Variants in NDUFA10 observed in about 807,000 individuals in gnomAD.
The protein encoded by NDUFA10 is NADH dehydrogenase [ubiquinone] 1 alpha subcomplex subunit 10, mitochondrial.
In NDUFA10, 40 loss-of-function variants were observed where a neutral mutation model predicts 47.8. The ratio of observed to expected loss-of-function variants is 0.84; its 90% CI spans 0.65 to 1.09. The LOEUF is 1.09. Ranked by LOEUF, NDUFA10 falls within the 50% of genes least tolerant of loss-of-function variation. NDUFA10 has a pLI of 0.00. For missense variants in NDUFA10, 413 were observed against 451.1 expected, an observed-to-expected ratio of 0.92 and a Z score of 0.76; for synonymous variants, 183 against 172.2, an observed-to-expected ratio of 1.06 and a Z score of -0.49.
chr2:239,956,977 C>T (rs939170370), downstream of NDUFA10, among the ~76,000 whole-genome samples: 3 of 152,174 alleles, frequency 2.0e-5, no homozygotes, highest in Admixed American at 6.5e-5. Flanking sequence ...CCAGCCTGGC[C>T]GCCTCACTCC....
At chr2:239,921,305 T>C (rs528889572) in intron 4 of NDUFA10, among the ~76,000 whole-genome samples, 4 of 152,014 alleles carry the variant, frequency 2.6e-5, no homozygotes, top group African/African-American at 7.2e-5. Flanking sequence ...ATGAGTGTTA[T>C]AGCTCTTAAA....
intron 5 of NDUFA10, among the ~76,000 whole-genome samples, chr2:239,895,045 C>T (rs1297150122): frequency 6.6e-6 from 1 of 152,202 alleles, no homozygotes; most frequent in South Asian, 2.1e-4. Flanking sequence ...CTCCTTCACC[C>T]CCACATCTAT....
intron 9 of NDUFA10, among the ~76,000 whole-genome samples, chr2:239,985,498 T>C (rs1188299580): frequency 6.7e-6 from 1 of 148,514 alleles, no homozygotes; most frequent in Non-Finnish European, 1.5e-5. Flanking sequence ...AGACAAGATA[T>C]ACAGAAAGGA....
intron 4 of NDUFA10, among the ~76,000 whole-genome samples, chr2:239,897,808 C>T (rs1693425445): frequency 6.6e-6 from 1 of 152,222 alleles, no homozygotes; most frequent in Non-Finnish European, 1.5e-5. Context: ...GAGACTGCAG[C>T]ACCCAGGCCA....
At chr2:239,980,873 C>T (rs1013780938) in intron 9 of NDUFA10, among the ~76,000 whole-genome samples, 1 of 152,182 alleles carries the variant, frequency 6.6e-6, no homozygotes, top group South Asian at 2.1e-4. Context: ...CACCTCAGTG[C>T]GGGGAGAAGG....
At chr2:239,968,668 A>T (rs942308494) in intron 9 of NDUFA10, among the ~76,000 whole-genome samples, 1 of 152,210 alleles carries the variant, frequency 6.6e-6, no homozygotes, top group Non-Finnish European at 1.5e-5. Context: ...AGAGCTCCAG[A>T]AATCTGCACA....
intron 8 of NDUFA10, among the ~76,000 whole-genome samples, chr2:240,004,732 C>G (rs1696879394): frequency 6.6e-6 from 1 of 151,812 alleles, no homozygotes; most frequent in Non-Finnish European, 1.5e-5. Flanking sequence ...CTGCACCTGC[C>G]AAGCCCCTGC....
rs766412732 is a variant in NDUFA10 at position 240,021,347 on chromosome 2, G to A, written c.310C>T (p.Leu104Phe). 2 of 1,614,060 alleles carry A rather than the reference G, an allele frequency of 1.2e-6. No homozygotes were observed. Among genetic ancestry groups the A allele is most frequent in the African/African-American group, 2.7e-5 (2 of 74,920 alleles). Reference protein sequence around the residue: ...PDSTTGDGKPLATDYNGNCSL... With the variant: ...PDSTTGDGKPFATDYNGNCSL... The stretch of plus-strand genomic sequence containing the variant: ...CAGTTGCCATTATAGTCGGTGGCGA[G>A]GGGCTTCCCATCTCCTGTGGTACTG... The change falls in exon 3 of 10, where the codon CTC (leucine) becomes TTC (phenylalanine). Residue 104 changes from leucine (L) to phenylalanine (F), a missense_variant. Transcript: ENST00000252711.
At chr2:240,025,164 T>TGCCCCCCCCCCCCC in intron 1 of NDUFA10, 63 bp downstream of exon 1, 163 of 594,886 alleles carry the variant, frequency 2.7e-4, no homozygotes, top group East Asian at 5.5e-4. Context: ...GTGGAACTGC[T>TGCCCCCCCCCCCCC]CCCCACCCCG....
chr2:240,007,260 C>G, intron 7 of NDUFA10, 56 bp downstream of exon 7: 1 of 1,307,674 alleles, frequency 7.6e-7, no homozygotes, highest in Non-Finnish European at 1.1e-6. Flanking sequence ...TTTGCAAGAA[C>G]CTTACACATG....
intron 5 of NDUFA10, among the ~76,000 whole-genome samples, chr2:239,893,789 A>ATCC (rs1693338629): frequency 6.6e-6 from 1 of 152,216 alleles, no homozygotes; most frequent in Admixed American, 6.5e-5. Flanking sequence ...GAAGCACGGC[A>ATCC]GGGAAGGTGC....
intron 4 of NDUFA10, among the ~76,000 whole-genome samples, chr2:239,947,227 G>C (rs1430567001): frequency 6.6e-6 from 1 of 152,202 alleles, no homozygotes; most frequent in Admixed American, 6.5e-5. Flanking sequence ...GACATTATCT[G>C]GCAGCAGGCA....
At chr2:239,946,700 G>A (rs1450969508) in intron 4 of NDUFA10, among the ~76,000 whole-genome samples, 1 of 152,244 alleles carries the variant, frequency 6.6e-6, no homozygotes, top group Non-Finnish European at 1.5e-5. Context: ...CAGGACCGAG[G>A]TTTTGTCAGG....
At chr2:240,011,325 T>C (rs1697128672) in intron 6 of NDUFA10, among the ~76,000 whole-genome samples, 1 of 152,202 alleles carries the variant, frequency 6.6e-6, no homozygotes, top group Admixed American at 6.5e-5. Context: ...TTCTCTATGG[T>C]AAAACCTGTC....
rs116400020 is a variant in NDUFA10, at chr2:239,936,484, G to A, written c.295-41170C>T. Among the ~76,000 whole-genome samples the A allele has an allele frequency of 3.5e-3, 535 of 152,302 alleles. 5 individuals are homozygous for A. The highest frequency in any genetic ancestry group is 0.012 in the African/African-American group (502 of 41,560). ...TGAAACCCATAGCAGGCACAACACC[G>A]AGGGGGCCCTAAAGTAAACTGCAGG... On this transcript the variant is annotated intron_variant, in intron 4 of 5. Coordinates refer to the NDUFA10 transcript ENST00000419408.
intron 9 of NDUFA10, among the ~76,000 whole-genome samples, chr2:239,976,149 T>TCA (rs1257502218): frequency 1.3e-5 from 2 of 152,222 alleles, no homozygotes; most frequent in African/African-American, 2.4e-5. Flanking sequence ...GAGAAGTTCT[T>TCA]CACACTGCAA....
intron 9 of NDUFA10, among the ~76,000 whole-genome samples, chr2:239,986,417 CAG>C (rs1430647384): frequency 6.6e-6 from 1 of 152,158 alleles, no homozygotes; most frequent in Non-Finnish European, 1.5e-5. Flanking sequence ...ACTTAGATGA[CAG>C]GGGCTGGCTT....
intron 6 of NDUFA10, among the ~76,000 whole-genome samples, chr2:240,009,681 GAC>G (rs1238479259): frequency 2.0e-5 from 3 of 152,182 alleles, no homozygotes; most frequent in African/African-American, 7.2e-5. Flanking sequence ...AAAGACAGGA[GAC>G]ACAGAACTTC....
chr2:239,937,821 G>A (rs1041579202), intron 4 of NDUFA10, among the ~76,000 whole-genome samples: 3 of 152,224 alleles, frequency 2.0e-5, no homozygotes, highest in East Asian at 1.9e-4. Context: ...CCTTGTCAAC[G>A]TTGGTTACCA....
Sources: gnomAD v4.1 joint callset for allele counts (sites outside exome capture counted in the v4.1 genomes callset) on GRCh38, gnomAD v4.1.1 for gene constraint, MANE v1.5 for transcripts, NCBI Gene and HGNC (gene_info 2026-07-23, HGNC 2026-07-21) for gene names.